LYPD6: variants seen among roughly 807,000 people sequenced by gnomAD.
The protein encoded by LYPD6 is LY6/PLAUR domain containing 6.
Under a neutral mutation model 22.7 loss-of-function variants are expected in LYPD6, and 15 were observed. The observed-to-expected ratio is 0.66, with a 90% CI of 0.44 to 1.02. The LOEUF is 1.02. LYPD6 is among the 50% of genes least tolerant of loss of function. The probability of loss-of-function intolerance (pLI) is 0.00; values close to 1 mark genes in which losing one functional copy is unlikely to be tolerated. For missense variants in LYPD6, 189 were observed against 208.4 expected (o/e 0.91, Z 0.57); for synonymous variants, 72 against 77.5 (o/e 0.93, Z 0.37).
At chr2:149,356,266 G>C (rs1681447086) in intron 1 of LYPD6, among the ~76,000 whole-genome samples, 1 of 152,170 alleles carries the variant, frequency 6.6e-6, no homozygotes, top group Admixed American at 6.5e-5. Context: ...TCCTAGGGAA[G>C]AAAGCTCATT....
intron 1 of LYPD6, among the ~76,000 whole-genome samples, chr2:149,369,217 G>A (rs143901220): frequency 1.3e-5 from 2 of 152,194 alleles, no homozygotes; most frequent in African/African-American, 2.4e-5. Context: ...GCCAACACAA[G>A]CTAGCTCAAG....
chr2:149,391,351 T>A (rs1326324808), intron 1 of LYPD6, among the ~76,000 whole-genome samples: 2 of 152,232 alleles, frequency 1.3e-5, no homozygotes, highest in African/African-American at 2.4e-5. Flanking sequence ...AGCTTTTTCT[T>A]ATTCCAACTC....
intron 3 of LYPD6, among the ~76,000 whole-genome samples, chr2:149,458,334 G>T (rs1309672677): frequency 6.6e-6 from 1 of 152,122 alleles, no homozygotes; most frequent in African/African-American, 2.4e-5. Context: ...CCTGACCAAG[G>T]TTGTGTCAAA....
At chr2:149,404,498 G>C (rs917651882) in intron 1 of LYPD6, among the ~76,000 whole-genome samples, 4 of 152,176 alleles carry the variant, frequency 2.6e-5, no homozygotes, top group Admixed American at 1.3e-4. Flanking sequence ...TGAAGCAGTT[G>C]TGAATGGGAG....
intron 1 of LYPD6, among the ~76,000 whole-genome samples, chr2:149,356,698 CA>C (rs1459012846): frequency 6.6e-6 from 1 of 152,158 alleles, no homozygotes; most frequent in Non-Finnish European, 1.5e-5. Context: ...CAGGAGAAGG[CA>C]GATGGAAAGG....
At chr2:149,462,209 T>C (rs1330523625) in intron 3 of LYPD6, among the ~76,000 whole-genome samples, 1 of 151,968 alleles carries the variant, frequency 6.6e-6, no homozygotes, top group Non-Finnish European at 1.5e-5. Flanking sequence ...GGATATACGA[T>C]AAATTGAGAA....
chr2:149,360,945 C>T (rs562057091), intron 1 of LYPD6, among the ~76,000 whole-genome samples: 1 of 152,290 alleles, frequency 6.6e-6, no homozygotes, highest in African/African-American at 2.4e-5. Context: ...AGTTTGAGCA[C>T]ACATCAGTGC....
chr2:149,413,636 A>G (rs1178580401), intron 1 of LYPD6, among the ~76,000 whole-genome samples: 11 of 152,114 alleles, frequency 7.2e-5, no homozygotes, highest in Non-Finnish European at 1.6e-4. Context: ...GGACTTACCT[A>G]TTGATTGGCC....
chr2:149,379,067 C>T (rs1057061692), intron 1 of LYPD6, among the ~76,000 whole-genome samples: 1 of 152,194 alleles, frequency 6.6e-6, no homozygotes, highest in African/African-American at 2.4e-5. Flanking sequence ...TGACTGAAAC[C>T]TGCCCTCTGA....
chr2:149,331,595 C>G (rs1559114684), intron 1 of LYPD6, among the ~76,000 whole-genome samples: 1 of 151,956 alleles, frequency 6.6e-6, no homozygotes, highest in East Asian at 1.9e-4. Flanking sequence ...CATCCCGTTT[C>G]CTAGAGGACT....
rs534619102 is a variant in LYPD6, at chr2:149,444,669, G to A, written c.119-4380G>A. On this transcript the variant is annotated intron_variant, in intron 2 of 4. Transcript: ENST00000334166. ...CAAGAAACGGCTTTTTTTTTTGCTC[G>A]TTCATAAGAAGCCAACTCCTCATTC... 4.0e-5 allele frequency among the ~76,000 whole-genome samples: 6 copies of A among 150,328 alleles called. No homozygotes were observed. The East Asian group carries it at 7.8e-4, about 20-fold the overall frequency.
chr2:149,437,902 G>A lies in LYPD6; in HGVS notation c.118+76G>A, dbSNP rs1573807965. 9 of 1,540,120 alleles carry A rather than the reference G, an allele frequency of 5.8e-6. No homozygotes were observed. In the East Asian group the frequency reaches 1.8e-4, roughly 31 times the overall value. On this transcript the variant is annotated intron_variant, in intron 2 of 4. Coordinates refer to ENST00000334166, the MANE Select transcript of LYPD6 (RefSeq NM_194317.5). ...GTGGTTCAAAAACTGGCCAGGAAAAGGCATCCTTCAGTATAGTGAAAACCT... is the reference window on the plus strand; with the variant it reads ...GTGGTTCAAAAACTGGCCAGGAAAAAGCATCCTTCAGTATAGTGAAAACCT...
rs1681551459 is a variant in LYPD6 at position 149,360,499 on chromosome 2, A to T, written c.-72+29777A>T. Among the ~76,000 whole-genome samples the T allele has an allele frequency of 3.9e-5, 6 of 152,316 alleles. 1 individual carries two copies. In the South Asian group the frequency reaches 1.2e-3, roughly 32 times the overall value. ...TCAGCATCAATTTTGTCTCCATCTTATACAGTATTCAGCTAGTCATCGAGT... is the reference window on the plus strand; with the variant it reads ...TCAGCATCAATTTTGTCTCCATCTTTTACAGTATTCAGCTAGTCATCGAGT... On this transcript the variant is annotated intron_variant, in intron 1 of 4. Coordinates refer to ENST00000334166, the MANE Select transcript of LYPD6 (RefSeq NM_194317.5).
the LYPD6 span, among the ~76,000 whole-genome samples, chr2:149,481,844 A>G: frequency 6.6e-6 from 1 of 152,180 alleles, no homozygotes; most frequent in Admixed American, 6.5e-5. Flanking sequence ...CAATGTGGTT[A>G]TATTACTTTT....
intron 1 of LYPD6, among the ~76,000 whole-genome samples, chr2:149,435,456 G>T (rs573399067): frequency 1.3e-5 from 2 of 152,312 alleles, no homozygotes; most frequent in South Asian, 2.1e-4. Flanking sequence ...GGAGATGGGG[G>T]TATTGGCCAT....
chr2:149,359,191 C>T (rs1179846484), intron 1 of LYPD6, among the ~76,000 whole-genome samples: 1 of 151,288 alleles, frequency 6.6e-6, no homozygotes, highest in Non-Finnish European at 1.5e-5. Flanking sequence ...CTTTGATTTC[C>T]ATGACTGCAC....
intron 1 of LYPD6, among the ~76,000 whole-genome samples, chr2:149,376,399 T>A (rs1167222559): frequency 6.6e-6 from 1 of 152,140 alleles, no homozygotes; most frequent in Non-Finnish European, 1.5e-5. Context: ...AACATTTTTT[T>A]TTTCCATTGC....
Position 149,470,732 on chromosome 2 carries a change from G to T in LYPD6, c.398G>T (p.Arg133Leu), listed in dbSNP as rs201110764. ...EGNICNLPLPRNETDATFATT... is the reference protein window; with the variant it reads ...EGNICNLPLPLNETDATFATT... The stretch of plus-strand genomic sequence containing the variant: ...AATATCTGTAACTTGCCACTGCCCC[G>T]AAATGAAACTGATGCCACATTTGCC... Residue 133 changes from arginine to leucine, a missense_variant, in exon 5 of 5, where the codon CGA becomes CTA. Coordinates refer to ENST00000334166, the MANE Select transcript of LYPD6 (RefSeq NM_194317.5). 6.2e-7 allele frequency: 1 copy of T among 1,613,754 alleles called. No individual in the cohort carries two copies. Among genetic ancestry groups the T allele is most frequent in the Non-Finnish European group, 8.5e-7 (1 of 1,179,784 alleles).
chr2:149,341,029 A>G (rs1681151061), intron 1 of LYPD6, among the ~76,000 whole-genome samples: 1 of 152,204 alleles, frequency 6.6e-6, no homozygotes, highest in Non-Finnish European at 1.5e-5. Flanking sequence ...ACTGACTTTA[A>G]TAGAAGTAAT....
Sources: allele counts gnomAD v4.1 joint callset (sites outside exome capture counted in the v4.1 genomes callset), GRCh38; gene constraint gnomAD v4.1.1; transcripts MANE v1.5; gene names NCBI Gene and HGNC (gene_info 2026-07-23, HGNC 2026-07-21).